P2RX5: variants seen among roughly 807,000 people sequenced by gnomAD.
P2RX5 encodes the protein purinergic receptor P2X 5.
A neutral mutation model predicts 54.1 loss-of-function variants in P2RX5; 46 were observed. That is an observed-to-expected ratio of 0.85 (90% CI 0.67 to 1.09). The LOEUF is 1.09. Among genes scored for constraint, P2RX5 ranks in the 50% least tolerant of loss-of-function variants. The pLI, the probability that P2RX5 is intolerant of heterozygous loss-of-function variation, is 0.00. For synonymous variants in P2RX5, 226 were observed against 226.4 expected, an observed-to-expected ratio of 1.00 and a Z score of 0.02; for missense variants, 566 against 549.8, an observed-to-expected ratio of 1.03 and a Z score of -0.29.
upstream of P2RX5, among the ~76,000 whole-genome samples, chr17:3,699,336 C>T (rs1180490604): frequency 2.0e-5 from 3 of 151,748 alleles, no homozygotes; most frequent in Non-Finnish European, 2.9e-5. Context: ...GTTGAGGCTG[C>T]AGTGAGCCAT....
chr17:3,679,067 G>C (rs959142399), intron 11 of P2RX5, among the ~76,000 whole-genome samples: 2 of 152,210 alleles, frequency 1.3e-5, no homozygotes, highest in African/African-American at 4.8e-5. Flanking sequence ...CTGAGGGGGG[G>C]TCATCTGAGC....
the P2RX5 span, among the ~76,000 whole-genome samples, chr17:3,712,921 C>T: frequency 8.9e-3 from 1,348 of 152,136 alleles, 10 homozygotes; most frequent in Middle Eastern, 0.02. Flanking sequence ...CCAGCGTGGG[C>T]GACAGAGTGA....
intron 9 of P2RX5, chr17:3,682,558 G>T: frequency 5.7e-6 from 1 of 176,914 alleles, no homozygotes; most frequent in African/African-American, 2.4e-5. Flanking sequence ...AAGGGGATGG[G>T]GACTGGCCTG....
the P2RX5 span, chr17:3,723,824 C>A: frequency 6.4e-7 from 1 of 1,561,416 alleles, no homozygotes; most frequent in Non-Finnish European, 8.7e-7. Context: ...CCGGCCCTGG[C>A]GAGGTGCGCA....
At chr17:3,677,204 T>C (rs1171005911) in intron 11 of P2RX5, 1 of 985,264 alleles carries the variant, frequency 1.0e-6, no homozygotes, top group Admixed American at 6.2e-5. Flanking sequence ...TCAGCCCGTT[T>C]ACACCTGCTG....
At chr17:3,680,230 C>A (rs1432274906) in intron 10 of P2RX5, among the ~76,000 whole-genome samples, 4 of 134,518 alleles carry the variant, frequency 3.0e-5, no homozygotes, top group African/African-American at 5.6e-5. Flanking sequence ...CTCCACCCTG[C>A]GTCCTCCACC....
chr17:3,690,001 C>T (rs1052256338), intron 6 of P2RX5, 69 bp downstream of exon 6: 123 of 1,379,264 alleles, frequency 8.9e-5, no homozygotes, highest in African/African-American at 5.3e-4. Context: ...CAGAGACCCA[C>T]GGAGGGCCAG....
At chr17:3,680,623 AG>A (rs2050240287) in intron 10 of P2RX5, among the ~76,000 whole-genome samples, 6 of 47,914 alleles carry the variant, frequency 1.3e-4, no homozygotes, top group Non-Finnish European at 2.3e-4. Flanking sequence ...TCCACCCTGC[AG>A]GCCACCACCC....
At chr17:3,679,048 GA>G (rs1328896434) in intron 11 of P2RX5, among the ~76,000 whole-genome samples, 2 of 152,222 alleles carry the variant, frequency 1.3e-5, no homozygotes, top group African/African-American at 2.4e-5. Context: ...ATCGCACACA[GA>G]AGAGGGGCTG....
chr17:3,682,438 G>A, intron 9 of P2RX5: 1 of 246,502 alleles, frequency 4.1e-6, no homozygotes, highest in Non-Finnish European at 8.2e-6. Context: ...CTAAAGAGGA[G>A]TTTATACAAG....
At chr17:3,684,697 C>G (rs1207945142) in intron 9 of P2RX5, among the ~76,000 whole-genome samples, 1 of 152,148 alleles carries the variant, frequency 6.6e-6, no homozygotes, top group Non-Finnish European at 1.5e-5. Context: ...CCTACGACAC[C>G]CAGCACAGCC....
At chr17:3,697,180 G>A (rs2050776721), upstream of P2RX5, among the ~76,000 whole-genome samples, 1 of 152,154 alleles carries the variant, frequency 6.6e-6, no homozygotes, top group Admixed American at 6.5e-5. Flanking sequence ...GGAGACACAG[G>A]CAACCCACCC....
chr17:3,683,643 T>C (rs934274435), intron 9 of P2RX5, among the ~76,000 whole-genome samples: 3 of 151,750 alleles, frequency 2.0e-5, no homozygotes, highest in Non-Finnish European at 2.9e-5. Context: ...GGCAGAAGAA[T>C]TGCTTGAGCC....
intron 11 of P2RX5, among the ~76,000 whole-genome samples, chr17:3,674,499 C>T (rs1001344935): frequency 1.3e-5 from 2 of 152,144 alleles, no homozygotes; most frequent in Admixed American, 6.5e-5. Flanking sequence ...CTTCTGAGCA[C>T]GGGGCCCCTG....
upstream of P2RX5, among the ~76,000 whole-genome samples, chr17:3,696,907 T>G (rs1597279158): frequency 6.6e-6 from 1 of 152,014 alleles, no homozygotes; most frequent in African/African-American, 2.4e-5. Flanking sequence ...GATACATTCT[T>G]GCTCCGTGGG....
intron 9 of P2RX5, among the ~76,000 whole-genome samples, chr17:3,684,939 G>A (rs1372268532): frequency 2.1e-5 from 3 of 143,948 alleles, no homozygotes; most frequent in African/African-American, 5.1e-5. Flanking sequence ...TCCTCCTCCC[G>A]GGTTCAAGCG....
intron 1 of P2RX5, among the ~76,000 whole-genome samples, chr17:3,693,725 C>CG (rs1484960317): frequency 6.6e-6 from 1 of 151,798 alleles, no homozygotes; most frequent in Non-Finnish European, 1.5e-5. Flanking sequence ...GCAACAAGAG[C>CG]GAAACTCCAT....
At chr17:3,692,177 C>T (rs1234036604) in intron 1 of P2RX5, among the ~76,000 whole-genome samples, 1 of 150,818 alleles carries the variant, frequency 6.6e-6, no homozygotes, top group Non-Finnish European at 1.5e-5. Context: ...ATTAGCCAGG[C>T]GTGGTGGTGG....
chr17:3,716,828 A>C, the P2RX5 span: 4 of 1,285,102 alleles, frequency 3.1e-6, no homozygotes, highest in East Asian at 6.9e-5. Context: ...CGCCCAATAA[A>C]TCAGGTGAAG....
Sources: allele counts gnomAD v4.1 joint callset (sites outside exome capture counted in the v4.1 genomes callset), GRCh38; gene constraint gnomAD v4.1.1; transcripts MANE v1.5; gene names NCBI Gene and HGNC (gene_info 2026-07-23, HGNC 2026-07-21).